The following ARPP21 variants were observed in gnomAD, a reference collection of about 807,000 sequenced individuals.
The protein encoded by ARPP21 is cAMP-regulated phosphoprotein 21.
ARPP21 carries 69 observed loss-of-function variants against 113.2 expected under a neutral mutation model. That is an observed-to-expected ratio of 0.61 (90% CI 0.50 to 0.74). The LOEUF is 0.74. ARPP21 is among the 30% of genes least tolerant of loss of function. The probability of loss-of-function intolerance (pLI) is 0.00; values close to 1 mark genes in which losing one functional copy is unlikely to be tolerated. For missense variants in ARPP21, 1,070 were observed against 1,037.4 expected, an observed-to-expected ratio of 1.03 and a Z score of -0.43; for synonymous variants, 368 against 375.5, an observed-to-expected ratio of 0.98 and a Z score of 0.23.
intron 1 of ARPP21, among the ~76,000 whole-genome samples, chr3:35,654,770 G>A (rs560887870): frequency 6.6e-6 from 1 of 152,142 alleles, no homozygotes; most frequent in African/African-American, 2.4e-5. Flanking sequence ...TGAGGATAAC[G>A]GATGTTTCAG....
chr3:35,788,383 G>T (rs1234322336), intron 19 of ARPP21, among the ~76,000 whole-genome samples: 2 of 152,156 alleles, frequency 1.3e-5, no homozygotes, highest in South Asian at 4.1e-4. Flanking sequence ...ATATGAAGCA[G>T]CTTGCTAACT....
chr3:35,674,622 T>A (rs1250200204), intron 1 of ARPP21, among the ~76,000 whole-genome samples: 8 of 151,802 alleles, frequency 5.3e-5, no homozygotes, highest in African/African-American at 1.9e-4. Flanking sequence ...CACTATGAGT[T>A]ATAGGTGTGG....
At chr3:35,731,002 A>G (rs2150514663) in intron 15 of ARPP21, among the ~76,000 whole-genome samples, 1 of 152,350 alleles carries the variant, frequency 6.6e-6, no homozygotes, top group African/African-American at 2.4e-5. Flanking sequence ...AAGAAAATCA[A>G]AAGAACACTA....
At chr3:35,683,877 C>T (rs575577283) in intron 5 of ARPP21, 62 bp downstream of exon 5, 2 of 969,626 alleles carry the variant, frequency 2.1e-6, no homozygotes, top group Non-Finnish European at 3.4e-6. Flanking sequence ...GTGCATGACT[C>T]TTAATTTGGT....
In ARPP21 at chr3:35,661,702, G is replaced by A. The variant is rs1044772292; in HGVS notation, c.-212-18085G>A. On this transcript the variant is annotated intron_variant, in intron 1 of 20. Transcript: ENST00000684406. Reference sequence around the variant, plus strand: ...ATCTCTCAAAAGAGTACTTTTGTAGGCAACAATAATACATATTTCCTGGAG... The same window carrying A: ...ATCTCTCAAAAGAGTACTTTTGTAGACAACAATAATACATATTTCCTGGAG... Among the ~76,000 whole-genome samples the A allele has an allele frequency of 3.5e-4, 54 of 152,226 alleles. 1 individual carries two copies. The highest frequency in any genetic ancestry group is 1.2e-3 in the African/African-American group (51 of 41,538).
chr3:35,657,185 C>A (rs1305113708), intron 1 of ARPP21, among the ~76,000 whole-genome samples: 1 of 152,056 alleles, frequency 6.6e-6, no homozygotes, highest in African/African-American at 2.4e-5. Flanking sequence ...CTCATTTAGA[C>A]TAACTGTGAA....
intron 1 of ARPP21, among the ~76,000 whole-genome samples, chr3:35,656,758 A>G (rs1425987989): frequency 1.1e-4 from 17 of 152,050 alleles, no homozygotes; most frequent in Non-Finnish European, 2.2e-4. Flanking sequence ...AATTTATACA[A>G]GTGTTAAAAT....
rs1220110961 is a variant in ARPP21, at chr3:35,690,111, G to A, written c.516G>A (p.Gln172=). The change falls in exon 8 of 21, where the codon CAG becomes CAA. Residue 172 remains glutamine, a synonymous_variant. Transcript: ENST00000684406. ...RDRMILLKME[Q]EIIDFIADNN... is the part of the protein sequence containing the mutation. ...GGATGATACTTTTGAAAATGGAGCA[G>A]GAAATTATTGATTTCATTGCTGACA... 3 of 1,496,520 alleles carry A rather than the reference G, an allele frequency of 2.0e-6. No individual in the cohort carries two copies. In the African/African-American group the frequency reaches 4.1e-5, roughly 21 times the overall value. The allele number at this position is 1,496,520 out of a possible 1,614,324, so 92.7% of individuals were successfully genotyped here. A position where few individuals can be genotyped will look rare whatever the true frequency, so the allele number is the denominator to read the frequency against.
rs541251776 is a variant in ARPP21, at chr3:35,739,714, A to G, written c.2010+137A>G. On this transcript the variant is annotated intron_variant, in intron 18 of 20. Transcript: ENST00000684406. Reference sequence around the variant, plus strand: ...ATATTAATATTCCTCACCAACAGGAAGTAGTATATTTTTTCATGCATCAGT... The same window carrying G: ...ATATTAATATTCCTCACCAACAGGAGGTAGTATATTTTTTCATGCATCAGT... 58 of 1,223,822 alleles carry G rather than the reference A, an allele frequency of 4.7e-5. No homozygotes were observed. In the South Asian group the frequency reaches 7.7e-4, roughly 16 times the overall value. 75.8% of individuals were successfully genotyped at this position (1,223,822 alleles called of 1,614,324 possible).
chr3:35,674,905 G>A (rs779606379), intron 1 of ARPP21, among the ~76,000 whole-genome samples: 2 of 151,722 alleles, frequency 1.3e-5, no homozygotes, highest in Admixed American at 6.6e-5. Context: ...TCTCTCTTGC[G>A]ACATACTGGG....
chr3:35,649,407 T>C (rs770959549), intron 1 of ARPP21, among the ~76,000 whole-genome samples: 1 of 152,198 alleles, frequency 6.6e-6, no homozygotes, highest in African/African-American at 2.4e-5. Context: ...TTAAACTGAC[T>C]ACAAACATTA....
chr3:35,727,236 A>G (rs2093605310), intron 14 of ARPP21, among the ~76,000 whole-genome samples: 1 of 152,202 alleles, frequency 6.6e-6, no homozygotes, highest in Non-Finnish European at 1.5e-5. Flanking sequence ...ATGCATACGT[A>G]CAATTTCAAG....
Position 35,721,689 on chromosome 3 carries a change from G to A in ARPP21, c.1080G>A (p.Arg360=). ...ENELKWSDHQ[R]AWSSTDSDSS... The stretch of plus-strand genomic sequence containing the variant: ...AACTCAAGTGGTCTGACCACCAAAG[G>A]GCCTGGAGCAGCACAGACTCCGACA... The change falls in exon 14 of 21, where the codon AGG becomes AGA. Residue 360 remains arginine (R), a synonymous_variant. Transcript: ENST00000684406. The A allele has an allele frequency of 6.2e-7, 1 of 1,613,886 alleles. No homozygotes were observed. The highest frequency in any genetic ancestry group is 8.5e-7 in the Non-Finnish European group (1 of 1,179,928).
At chr3:35,793,585 TG>T in intron 20 of ARPP21, 115 bp from the exon 21 acceptor site, 1 of 706,150 alleles carries the variant, frequency 1.4e-6, no homozygotes. Context: ...GAGCTGGAAT[TG>T]ATGACCTGTT....
intron 18 of ARPP21, among the ~76,000 whole-genome samples, chr3:35,742,925 C>A (rs748880566): frequency 1.4e-4 from 22 of 152,112 alleles, no homozygotes; most frequent in Admixed American, 2.0e-4. Flanking sequence ...TATAAATGAA[C>A]TGAGGCAGGC....
At chr3:35,767,136 C>A (rs1352614023) in intron 19 of ARPP21, among the ~76,000 whole-genome samples, 2 of 152,128 alleles carry the variant, frequency 1.3e-5, no homozygotes, top group African/African-American at 4.8e-5. Context: ...AACATATTGT[C>A]CACCTCTACT....
chr3:35,768,869 T>A (rs2096084344), intron 19 of ARPP21, among the ~76,000 whole-genome samples: 1 of 152,172 alleles, frequency 6.6e-6, no homozygotes. Context: ...AATCCTAAAT[T>A]CACTTTACAG....
intron 1 of ARPP21, among the ~76,000 whole-genome samples, chr3:35,643,068 T>A (rs922269057): frequency 1.3e-5 from 2 of 152,130 alleles, no homozygotes; most frequent in Non-Finnish European, 2.9e-5. Context: ...TTTGTATATA[T>A]GCAGAACACC....
intron 11 of ARPP21, among the ~76,000 whole-genome samples, chr3:35,710,280 C>G (rs183460377): frequency 7.2e-5 from 11 of 152,166 alleles, no homozygotes; most frequent in African/African-American, 2.4e-4. Flanking sequence ...TATGTGTAGG[C>G]TACTTAGAAT....
Sources: gnomAD v4.1 joint callset for allele counts (sites outside exome capture counted in the v4.1 genomes callset) on GRCh38, gnomAD v4.1.1 for gene constraint, MANE v1.5 for transcripts, NCBI Gene and HGNC (gene_info 2026-07-23, HGNC 2026-07-21) for gene names.